SLC35E4: variants seen among roughly 807,000 people sequenced by gnomAD.
SLC35E4 encodes solute carrier family 35 member E4, also known as solute carrier family 35, member E4.
SLC35E4 carries 15 observed loss-of-function variants against 19.3 expected under a neutral mutation model. The observed-to-expected ratio is 0.78, with a 90% CI of 0.52 to 1.20. The LOEUF is 1.20. Ranked by LOEUF, SLC35E4 falls within the 50% of genes most tolerant of loss-of-function variation. The pLI, the probability that SLC35E4 is intolerant of heterozygous loss-of-function variation, is 0.00. For missense variants in SLC35E4, 406 were observed against 472.3 expected (o/e 0.86, Z 1.30); for synonymous variants, 219 against 219.9 (o/e 1.00, Z 0.04).
chr22:30,641,707 GC>G (rs1440679658), intron 1 of SLC35E4, among the ~76,000 whole-genome samples: 1 of 141,444 alleles, frequency 7.1e-6, no homozygotes, highest in Non-Finnish European at 1.5e-5. Context: ...CACCGTCCTG[GC>G]TAATTTTTAA....
downstream of SLC35E4, among the ~76,000 whole-genome samples, chr22:30,664,495 C>T (rs1167159539): frequency 6.6e-6 from 1 of 152,236 alleles, no homozygotes; most frequent in Non-Finnish European, 1.5e-5. Flanking sequence ...TCCAAATTCT[C>T]TCCTTCCTTC....
downstream of SLC35E4, among the ~76,000 whole-genome samples, chr22:30,651,604 G>C (rs988703140): frequency 6.6e-6 from 1 of 151,302 alleles, no homozygotes; most frequent in Non-Finnish European, 1.5e-5. Flanking sequence ...TTGATAAGTA[G>C]ACCTTCAATT....
intron 2 of SLC35E4, among the ~76,000 whole-genome samples, chr22:30,655,441 A>T (rs1355449281): frequency 6.6e-6 from 1 of 151,510 alleles, no homozygotes; most frequent in Admixed American, 6.6e-5. Context: ...AAAAAAAAAA[A>T]AAAAAAAGAA....
Position 30,647,175 on chromosome 22 carries a change from A to T in SLC35E4, c.*144A>T. On this transcript the variant is annotated 3_prime_UTR_variant, in exon 2 of 2. Transcript: ENST00000343605. ...CACTTCCAGAGTCCGAGGTGGGTGG[A>T]TCACCTGAGGCCAGGAGTTCGAGAC... The T allele has an allele frequency of 9.7e-7, 1 of 1,025,956 alleles. No individual in the cohort carries two copies. 63.6% of individuals were successfully genotyped at this position (1,025,956 alleles called of 1,614,324 possible). A position where few individuals can be genotyped will look rare whatever the true frequency, so the allele number is the denominator to read the frequency against.
downstream of SLC35E4, chr22:30,663,671 T>C (rs1391747213): frequency 2.5e-6 from 4 of 1,614,234 alleles, no homozygotes; most frequent in Admixed American, 1.7e-5. Flanking sequence ...ACAGGGCAGC[T>C]GAGCGGCTCA....
chr22:30,656,731 C>A (rs2088345559), intron 2 of SLC35E4, among the ~76,000 whole-genome samples: 1 of 152,212 alleles, frequency 6.6e-6, no homozygotes. Flanking sequence ...CGTGGACCCT[C>A]TCAAAAGCCC....
chr22:30,668,729 GT>G (rs2088763768), exon 3 of SLC35E4: 1 of 152,290 alleles, frequency 6.6e-6, no homozygotes, highest in Admixed American at 6.6e-5. Context: ...AAAGCCCCCA[GT>G]TCCCTCTGCC....
chr22:30,651,842 G>A (rs2088228504), downstream of SLC35E4, among the ~76,000 whole-genome samples: 1 of 152,092 alleles, frequency 6.6e-6, no homozygotes, highest in Admixed American at 6.6e-5. Flanking sequence ...CAGGAATTCG[G>A]GAGTGGCTTA....
intron 1 of SLC35E4, among the ~76,000 whole-genome samples, chr22:30,644,930 G>T (rs1006125580): frequency 6.6e-6 from 1 of 151,956 alleles, no homozygotes; most frequent in African/African-American, 2.4e-5. Context: ...AAAGTGAAAA[G>T]GTTTCCTCTT....
chr22:30,650,080 C>T (rs930323065), downstream of SLC35E4, among the ~76,000 whole-genome samples: 8 of 149,494 alleles, frequency 5.4e-5, no homozygotes, highest in African/African-American at 2.0e-4. Flanking sequence ...GCCTGTAATC[C>T]CAGTACTTTG....
chr22:30,654,540 G>A (rs1024902284), intron 2 of SLC35E4: 16 of 438,288 alleles, frequency 3.7e-5, no homozygotes, highest in East Asian at 7.0e-5. Flanking sequence ...CCTTGGTCTC[G>A]CGGGGCAGCA....
chr22:30,655,032 G>C (rs1394164396), intron 2 of SLC35E4, among the ~76,000 whole-genome samples: 2 of 152,054 alleles, frequency 1.3e-5, no homozygotes, highest in Non-Finnish European at 2.9e-5. Context: ...GTAGGATTAG[G>C]ACTTCACCCT....
chr22:30,663,948 C>G, downstream of SLC35E4: 1 of 1,614,172 alleles, frequency 6.2e-7, no homozygotes, highest in East Asian at 2.2e-5. Context: ...CTGCGAGAGG[C>G]CGCTGACTGA....
downstream of SLC35E4, among the ~76,000 whole-genome samples, chr22:30,652,674 G>A (rs904327371): frequency 6.6e-6 from 1 of 152,222 alleles, no homozygotes; most frequent in East Asian, 1.9e-4. Flanking sequence ...CGTGGCTGTT[G>A]GCAGGAGGCC....
Position 30,636,920 on chromosome 22 carries a change from G to GCC in SLC35E4, c.471_472dup (p.Arg158ProfsTer62). The GCC allele has an allele frequency of 6.2e-7, 1 of 1,611,128 alleles. No individual in the cohort carries two copies. Among genetic ancestry groups the GCC allele is most frequent in the Non-Finnish European group, 8.5e-7 (1 of 1,179,040 alleles). ...GCCCTGTCGGCGCTGCTGCTGGGCC[G>GCC]CCGCCACCACCCACTTCAGTTGGCC... is the stretch of plus-strand genomic sequence containing the variant. On this transcript the variant is annotated frameshift_variant, in exon 1 of 2. Transcript: ENST00000343605. LOFTEE classifies it high-confidence loss of function.
At chr22:30,644,752 T>C (rs1366969145) in intron 1 of SLC35E4, among the ~76,000 whole-genome samples, 1 of 151,820 alleles carries the variant, frequency 6.6e-6, no homozygotes, top group Non-Finnish European at 1.5e-5. Flanking sequence ...AATAATAATG[T>C]CATTTCGCCT....
intron 1 of SLC35E4, among the ~76,000 whole-genome samples, chr22:30,639,448 G>T (rs1426702391): frequency 6.6e-6 from 1 of 152,152 alleles, no homozygotes; most frequent in African/African-American, 2.4e-5. Flanking sequence ...AAGAGACAGG[G>T]TTTGAGAGCA....
Position 30,647,395 on chromosome 22 carries a change from G to T in SLC35E4, c.*364G>T. ...AGCCTGGGAGACAGAGCGAGACGCT[G>T]TCTCAATTAAAAAAAAAAAAAAGTG... is the stretch of plus-strand genomic sequence containing the variant. On this transcript the variant is annotated 3_prime_UTR_variant, in exon 2 of 2. Coordinates refer to ENST00000343605, the MANE Select transcript of SLC35E4 (RefSeq NM_001001479.4). The T allele has an allele frequency of 7.2e-6, 1 of 138,888 alleles. No individual in the cohort carries two copies. Among genetic ancestry groups the T allele is most frequent in the Non-Finnish European group, 1.4e-5 (1 of 73,566 alleles). 8.6% of individuals were successfully genotyped at this position (138,888 alleles called of 1,614,324 possible).
intron 2 of SLC35E4, among the ~76,000 whole-genome samples, chr22:30,656,893 T>TC (rs1463523707): frequency 6.6e-6 from 1 of 152,078 alleles, no homozygotes; most frequent in Non-Finnish European, 1.5e-5. Context: ...GGAGGAAGGA[T>TC]CACTTGAGCC....
Sources: gnomAD v4.1 joint callset for allele counts (sites outside exome capture counted in the v4.1 genomes callset) on GRCh38, gnomAD v4.1.1 for gene constraint, MANE v1.5 for transcripts, NCBI Gene and HGNC (gene_info 2026-07-23, HGNC 2026-07-21) for gene names.